The following SCAF8 variants were observed in gnomAD, a reference collection of about 807,000 sequenced individuals.
SCAF8 encodes the protein SR-related CTD associated factor 8, also known as SR-related and CTD-associated factor 8.
SCAF8 carries 23 observed loss-of-function variants against 140.5 expected under a neutral mutation model. That is an observed-to-expected ratio of 0.16 (90% CI 0.12 to 0.23). The LOEUF is 0.23. SCAF8 is among the 10% of genes least tolerant of loss of function. The pLI is 1.00. For synonymous variants in SCAF8, 575 were observed against 528.9 expected, an observed-to-expected ratio of 1.09 and a Z score of -1.20; for missense variants, 1,397 against 1,555.7, an observed-to-expected ratio of 0.90 and a Z score of 1.72.
intron 17 of SCAF8, among the ~76,000 whole-genome samples, chr6:154,826,242 T>A (rs1778564508): frequency 6.6e-6 from 1 of 152,156 alleles, no homozygotes; most frequent in Non-Finnish European, 1.5e-5. Flanking sequence ...TTTCAGAAGA[T>A]ATTTTTAAGT....
chr6:154,767,970 C>T (rs868253028), intron 1 of SCAF8, among the ~76,000 whole-genome samples: 11 of 152,124 alleles, frequency 7.2e-5, no homozygotes, highest in South Asian at 2.1e-4. Context: ...TAATGACTTA[C>T]CTTTTTCTCT....
In SCAF8 at chr6:154,735,029, C is replaced by T. The variant is rs546917893; in HGVS notation, c.30+1099C>T. 6.6e-5 allele frequency among the ~76,000 whole-genome samples: 10 copies of T among 151,340 alleles called. No individual in the cohort carries two copies. The South Asian group carries it at 2.1e-3, about 32-fold the overall frequency. Reference sequence around the variant, plus strand: ...ATCCCAGCTACTTAGGAGGCTGAGGCAGGAGAATCGCTTGAACCTGGGAAG... The same window carrying T: ...ATCCCAGCTACTTAGGAGGCTGAGGTAGGAGAATCGCTTGAACCTGGGAAG... On this transcript the variant is annotated intron_variant, in intron 1 of 19. Transcript: ENST00000367178.
Position 154,833,305 on chromosome 6 carries a change from T to C in SCAF8, c.3726T>C (p.Ser1242=), listed in dbSNP as rs1280625322. ...CTGAACTTTATGAAAAACTGACATC[T>C]TCAAATGAAATAAACAAGGAGAAGA... is the stretch of plus-strand genomic sequence containing the variant. The part of the protein sequence containing the change: ...NDPELYEKLT[S]SNEINKEKSD... Residue 1242 remains serine, a synonymous_variant, in exon 20 of 20, where the codon TCT becomes TCC. Coordinates refer to ENST00000367178, the MANE Select transcript of SCAF8 (RefSeq NM_014892.5). 3.1e-6 allele frequency: 5 copies of C among 1,613,968 alleles called. No individual in the cohort carries two copies. The Admixed American group carries it at 8.3e-5, about 27-fold the overall frequency.
intron 4 of SCAF8, among the ~76,000 whole-genome samples, chr6:154,788,867 A>G (rs549377611): frequency 4.8e-4 from 73 of 152,256 alleles, no homozygotes; most frequent in Admixed American, 9.8e-4. Context: ...TTTATTTTGG[A>G]TGTTGGAAAT....
chr6:154,765,503 A>G (rs1326868111), intron 1 of SCAF8, among the ~76,000 whole-genome samples: 1 of 152,234 alleles, frequency 6.6e-6, no homozygotes, highest in Non-Finnish European at 1.5e-5. Flanking sequence ...TTTGTATCCA[A>G]CGAAACTAGT....
chr6:154,746,743 A>T (rs1004440909), intron 1 of SCAF8, among the ~76,000 whole-genome samples: 2 of 152,194 alleles, frequency 1.3e-5, no homozygotes, highest in Non-Finnish European at 2.9e-5. Flanking sequence ...TACAAACATT[A>T]CTTGGTTAGT....
chr6:154,805,561 CTTTT>C (rs555378273), intron 9 of SCAF8, 75 bp downstream of exon 9: 8 of 489,158 alleles, frequency 1.6e-5, no homozygotes, highest in African/African-American at 1.1e-4. Flanking sequence ...TGTGGGTTGG[CTTTT>C]TTTTTTTTTA....
intron 2 of SCAF8, among the ~76,000 whole-genome samples, chr6:154,776,154 A>G (rs1776909100): frequency 6.6e-6 from 1 of 151,818 alleles, no homozygotes; most frequent in African/African-American, 2.4e-5. Flanking sequence ...CTGCTTTTTC[A>G]TAATCCAGTC....
chr6:154,813,082 C>A (rs572561611), intron 12 of SCAF8, among the ~76,000 whole-genome samples: 1 of 151,392 alleles, frequency 6.6e-6, no homozygotes, highest in Non-Finnish European at 1.5e-5. Flanking sequence ...GTTCACACTT[C>A]TGTAGTCCCA....
chr6:154,829,723 A>G (rs949340930), intron 18 of SCAF8, among the ~76,000 whole-genome samples: 3 of 152,122 alleles, frequency 2.0e-5, no homozygotes, highest in Admixed American at 2.0e-4. Flanking sequence ...CCTGGCCAAC[A>G]TGGTGAAACC....
At chr6:154,756,152 C>T (rs1364949112) in intron 1 of SCAF8, among the ~76,000 whole-genome samples, 2 of 152,132 alleles carry the variant, frequency 1.3e-5, no homozygotes, top group East Asian at 3.8e-4. Flanking sequence ...GTTTGAGGTC[C>T]TAAATACCAC....
intron 12 of SCAF8, among the ~76,000 whole-genome samples, chr6:154,811,039 T>G (rs1778073954): frequency 6.6e-6 from 1 of 152,178 alleles, no homozygotes; most frequent in African/African-American, 2.4e-5. Flanking sequence ...TAAAAGGCAA[T>G]AGCCATCTTC....
chr6:154,816,686 T>C (rs956315090), intron 13 of SCAF8, among the ~76,000 whole-genome samples: 4 of 152,198 alleles, frequency 2.6e-5, no homozygotes, highest in African/African-American at 7.2e-5. Context: ...GTGGGATCTT[T>C]TTATCATTAT....
chr6:154,744,754 T>C (rs1427975638), intron 1 of SCAF8, among the ~76,000 whole-genome samples: 4 of 152,190 alleles, frequency 2.6e-5, no homozygotes, highest in Non-Finnish European at 5.9e-5. Context: ...TCCTCATTCT[T>C]TTTATAACTT....
chr6:154,815,464 G>A lies in SCAF8; in HGVS notation c.1421-252G>A, dbSNP rs371337475. 3.9e-5 allele frequency among the ~76,000 whole-genome samples: 6 copies of A among 152,204 alleles called. No individual in the cohort carries two copies. In the East Asian group the frequency reaches 7.7e-4, roughly 20 times the overall value. ...TTAGAATGGGACCCTGGCATCCACA[G>A]ATGGTTCAGGTGTGCAGCCAAGCTT... is the stretch of plus-strand genomic sequence containing the variant. On this transcript the variant is annotated intron_variant, in intron 12 of 19. Coordinates refer to ENST00000367178, the MANE Select transcript of SCAF8 (RefSeq NM_014892.5).
intron 5 of SCAF8, among the ~76,000 whole-genome samples, chr6:154,793,686 G>T (rs1241492773): frequency 6.6e-6 from 1 of 151,408 alleles, no homozygotes; most frequent in Non-Finnish European, 1.5e-5. Flanking sequence ...GTGGTAGTGG[G>T]TGCCTGTAAT....
chr6:154,763,749 GA>G (rs927231272), intron 1 of SCAF8, among the ~76,000 whole-genome samples: 26 of 147,252 alleles, frequency 1.8e-4, no homozygotes, highest in Admixed American at 8.1e-4. Flanking sequence ...TATCAAAAAA[GA>G]AAAAAAAAAC....
At chr6:154,741,700 C>T (rs559281485) in intron 1 of SCAF8, among the ~76,000 whole-genome samples, 3 of 152,168 alleles carry the variant, frequency 2.0e-5, no homozygotes, top group Non-Finnish European at 2.9e-5. Context: ...AGCCACCGCG[C>T]CCGGCCCGTT....
chr6:154,736,746 T>G (rs1339418146), intron 1 of SCAF8, among the ~76,000 whole-genome samples: 1 of 152,240 alleles, frequency 6.6e-6, no homozygotes, highest in Non-Finnish European at 1.5e-5. Context: ...ACCTGTTTTC[T>G]CATTTTACAG....
Sources: allele counts gnomAD v4.1 joint callset (sites outside exome capture counted in the v4.1 genomes callset), GRCh38; gene constraint gnomAD v4.1.1; transcripts MANE v1.5; gene names NCBI Gene and HGNC (gene_info 2026-07-23, HGNC 2026-07-21).